The following GOLIM4 variants were observed in gnomAD, a reference collection of about 807,000 sequenced individuals.
The protein encoded by GOLIM4 is 130 kDa golgi-localized phosphoprotein.
GOLIM4 carries 71 observed loss-of-function variants against 107.4 expected under a neutral mutation model. The ratio of observed to expected loss-of-function variants is 0.66; its 90% CI spans 0.55 to 0.81. The LOEUF (loss-of-function observed/expected upper bound fraction) is 0.81, where lower values mean the gene tolerates loss of function less well. GOLIM4 is among the 30% of genes least tolerant of loss of function. The pLI is 0.00. For missense variants in GOLIM4, 830 were observed against 826.1 expected, an observed-to-expected ratio of 1.00 and a Z score of -0.06; for synonymous variants, 327 against 294.8, an observed-to-expected ratio of 1.11 and a Z score of -1.12.
chr3:168,010,823 C>A lies in GOLIM4; in HGVS notation c.1861G>T (p.Val621Phe). 1.9e-6 allele frequency: 3 copies of A among 1,603,430 alleles called. No individual in the cohort carries two copies. Among genetic ancestry groups the A allele is most frequent in the Non-Finnish European group, 2.6e-6 (3 of 1,171,408 alleles). ...TTCTCTTCAGTCAAATCTTCCTGAA[C>A]CTAAAACAAACCACAGATATCATTT... is the stretch of plus-strand genomic sequence containing the variant. The part of the protein sequence containing the change: ...EQYQEEAEEE[V>F]QEDLTEEKKR... The change falls in exon 15 of 16, where the codon GTT becomes TTT. Residue 621 changes from valine to phenylalanine, a missense_variant and splice_region_variant. Coordinates refer to ENST00000470487, the MANE Select transcript of GOLIM4 (RefSeq NM_014498.5).
rs111922454 is a variant in GOLIM4, at chr3:168,060,100, G to GTT, written c.188-11737_188-11736dup. On this transcript the variant is annotated intron_variant, in intron 1 of 15. Coordinates refer to ENST00000470487, the MANE Select transcript of GOLIM4 (RefSeq NM_014498.5). ...TGGAGAAATTGGGAACCATTAGAGA[G>GTT]TTTTTTTTTTTTTTCTTAGAGATGG... Among the ~76,000 whole-genome samples, 1,030 of 145,696 alleles carry GTT rather than the reference G, an allele frequency of 7.1e-3. 7 individuals carry two copies. The highest frequency in any genetic ancestry group is 0.033 in the Middle Eastern group (9 of 276).
At chr3:168,014,775 C>T (rs1205345044) in intron 14 of GOLIM4, among the ~76,000 whole-genome samples, 4 of 140,882 alleles carry the variant, frequency 2.8e-5, no homozygotes, top group African/African-American at 2.9e-5. Context: ...ATAAACAGAG[C>T]CAAAGACAAA....
chr3:168,035,663 A>G (rs1260514573), intron 8 of GOLIM4, among the ~76,000 whole-genome samples: 2 of 152,204 alleles, frequency 1.3e-5, no homozygotes, highest in Non-Finnish European at 2.9e-5. Context: ...GAGGGAGAGG[A>G]GCAGGAATAT....
At chr3:168,082,165 T>C (rs1420757340) in intron 1 of GOLIM4, among the ~76,000 whole-genome samples, 1 of 152,122 alleles carries the variant, frequency 6.6e-6, no homozygotes, top group Non-Finnish European at 1.5e-5. Context: ...AAGACACATA[T>C]ACAAAATTGA....
rs1355039201 is a variant in GOLIM4 at position 168,074,608 on chromosome 3, C to T, written c.187+20491G>A. Reference sequence around the variant, plus strand: ...CAAAGAGAGATGGGAAGTAACATTACTTAATTTATATGTTACAAAGAATCA... The same window carrying T: ...CAAAGAGAGATGGGAAGTAACATTATTTAATTTATATGTTACAAAGAATCA... On this transcript the variant is annotated intron_variant, in intron 1 of 15. Coordinates refer to ENST00000470487, the MANE Select transcript of GOLIM4 (RefSeq NM_014498.5). Among the ~76,000 whole-genome samples the T allele has an allele frequency of 2.0e-5, 3 of 152,104 alleles. No individual in the cohort carries two copies. The East Asian group carries it at 5.8e-4, about 29-fold the overall frequency.
At chr3:168,028,264 G>A (rs1362093796) in intron 11 of GOLIM4, among the ~76,000 whole-genome samples, 1 of 152,188 alleles carries the variant, frequency 6.6e-6, no homozygotes, top group East Asian at 1.9e-4. Context: ...TGCCCCATCT[G>A]TGGAGCTCAG....
chr3:168,034,695 A>G (rs1189266118), intron 8 of GOLIM4, among the ~76,000 whole-genome samples: 2 of 152,216 alleles, frequency 1.3e-5, no homozygotes. Flanking sequence ...TCTCATCTTG[A>G]ATTCCCACGT....
rs1718039818 is a variant in GOLIM4, at chr3:168,027,178, T to C, written c.1623+550A>G. On this transcript the variant is annotated intron_variant, in intron 12 of 15. Transcript: ENST00000470487. ...ATTAGATGTCTACCTACTTATATTA[T>C]AAATTTTCTGTACCATTGCATACCT... is the stretch of plus-strand genomic sequence containing the variant. 3.3e-5 allele frequency among the ~76,000 whole-genome samples: 5 copies of C among 152,198 alleles called. 1 individual carries two copies. Among genetic ancestry groups the C allele is most frequent in the Admixed American group, 1.3e-4 (2 of 15,280 alleles).
Position 168,032,773 on chromosome 3 carries a change from G to A in GOLIM4, c.923C>T (p.Thr308Ile), listed in dbSNP as rs1335981883. The A allele has an allele frequency of 1.9e-6, 3 of 1,613,880 alleles. No homozygotes were observed. The highest frequency in any genetic ancestry group is 2.5e-6 in the Non-Finnish European group (3 of 1,179,938). Residue 308 changes from threonine to isoleucine, a missense_variant, in exon 9 of 16, where the codon ACC becomes ATC. Coordinates refer to ENST00000470487, the MANE Select transcript of GOLIM4 (RefSeq NM_014498.5). ...AGCCTGAAATTCTGCCTCCTTATGG[G>A]TGGGAGCATAGAGTTTTGTGTCTTC... ...RAEDTKLYAP[T>I]HKEAEFQAPP...
At chr3:168,014,388 G>A (rs1200197558) in intron 14 of GOLIM4, among the ~76,000 whole-genome samples, 3 of 140,728 alleles carry the variant, frequency 2.1e-5, no homozygotes, top group Non-Finnish European at 4.5e-5. Context: ...TGAAATTGTG[G>A]CAATAATCAA....
chr3:168,094,126 A>T (rs547878600), intron 1 of GOLIM4, among the ~76,000 whole-genome samples: 1 of 152,260 alleles, frequency 6.6e-6, no homozygotes, highest in Non-Finnish European at 1.5e-5. Flanking sequence ...TGCAAAAAAA[A>T]TATGTATAGG....
intron 14 of GOLIM4, among the ~76,000 whole-genome samples, chr3:168,011,963 T>C (rs183377027): frequency 6.6e-4 from 97 of 147,978 alleles, no homozygotes; most frequent in Non-Finnish European, 1.2e-3. Flanking sequence ...ACAGAAAAAT[T>C]GGAAACTAAA....
Position 168,056,429 on chromosome 3 carries a change from C to T in GOLIM4, c.188-8064G>A, listed in dbSNP as rs573217950. On this transcript the variant is annotated intron_variant, in intron 1 of 15. Coordinates refer to ENST00000470487, the MANE Select transcript of GOLIM4 (RefSeq NM_014498.5). ...TGGAGTTGGAGCTCCCAAACAGAGT[C>T]CCTACTGGGGAGAAGGGGGCCACTG... Among the ~76,000 whole-genome samples, 12 of 152,268 alleles carry T rather than the reference C, an allele frequency of 7.9e-5. No homozygotes were observed. The South Asian group carries it at 2.5e-3, about 32-fold the overall frequency.
At position 168,041,470 on chromosome 3, in the gene GOLIM4, A is replaced by C. The variant is rs1718997923; in HGVS notation, c.522T>G (p.Thr174=). 6.7e-7 allele frequency: 1 copy of C among 1,481,966 alleles called. No homozygotes were observed. The highest frequency in any genetic ancestry group is 9.4e-7 in the Non-Finnish European group (1 of 1,063,130). 91.8% of individuals were successfully genotyped at this position (1,481,966 alleles called of 1,614,324 possible). A position where few individuals can be genotyped will look rare whatever the true frequency, so the allele number is the denominator to read the frequency against. ...TATTCTCTTCTCTCAAATTGTATACAGTCTCTATTTTAGAAAAAGAAGGAT... is the reference window on the plus strand; with the variant it reads ...TATTCTCTTCTCTCAAATTGTATACCGTCTCTATTTTAGAAAAAGAAGGAT... ...KEQELSKLKE[T]VYNLREENRQ... Residue 174 remains threonine (T), a synonymous_variant, in exon 6 of 16, where the codon ACT becomes ACG. Transcript: ENST00000470487.
At chr3:168,078,213 CATT>C (rs1429337611) in intron 1 of GOLIM4, among the ~76,000 whole-genome samples, 1 of 151,912 alleles carries the variant, frequency 6.6e-6, no homozygotes, top group Non-Finnish European at 1.5e-5. Flanking sequence ...TAATTTAGAA[CATT>C]GTTATTTTAA....
In GOLIM4 at chr3:168,093,135, T is replaced by A. The variant is rs200184716; in HGVS notation, c.187+1964A>T. ...AATTAGAAAAGAAATTTCTAAAATTTCAAAATGAAATACTGCAAATAAAGG... is the reference window on the plus strand; with the variant it reads ...AATTAGAAAAGAAATTTCTAAAATTACAAAATGAAATACTGCAAATAAAGG... On this transcript the variant is annotated intron_variant, in intron 1 of 15. Transcript: ENST00000470487. Among the ~76,000 whole-genome samples the A allele has an allele frequency of 1.1e-4, 17 of 152,264 alleles. No homozygotes were observed. In the East Asian group the frequency reaches 3.1e-3, roughly 28 times the overall value.
chr3:168,049,407 T>A (rs1207379514), intron 1 of GOLIM4, among the ~76,000 whole-genome samples: 1 of 152,192 alleles, frequency 6.6e-6, no homozygotes, highest in African/African-American at 2.4e-5. Flanking sequence ...TAAGATTTCA[T>A]CCAGGAACAG....
At chr3:168,055,639 A>T (rs1391613262) in intron 1 of GOLIM4, among the ~76,000 whole-genome samples, 5 of 152,098 alleles carry the variant, frequency 3.3e-5, no homozygotes, top group Non-Finnish European at 7.4e-5. Flanking sequence ...TCTACTAAAA[A>T]TACAAAAAAA....
chr3:168,055,801 CA>C (rs35124035), intron 1 of GOLIM4, among the ~76,000 whole-genome samples: 253 of 104,010 alleles, frequency 2.4e-3, no homozygotes, highest in East Asian at 4.5e-3. Flanking sequence ...GACTCTGTCT[CA>C]AAAAAAAAAA....
Sources: gnomAD v4.1 joint callset for allele counts (sites outside exome capture counted in the v4.1 genomes callset) on GRCh38, gnomAD v4.1.1 for gene constraint, MANE v1.5 for transcripts, NCBI Gene and HGNC (gene_info 2026-07-23, HGNC 2026-07-21) for gene names.